The following EYS variants were observed in gnomAD, a reference collection of about 807,000 sequenced individuals.
EYS encodes EGF-like photoreceptor maintenance factor.
EYS carries 250 observed loss-of-function variants against 282.1 expected under a neutral mutation model. The observed-to-expected ratio is 0.89, with a 90% CI of 0.80 to 0.98. The LOEUF (loss-of-function observed/expected upper bound fraction) is 0.98. Ranked by LOEUF, EYS falls within the 50% of genes least tolerant of loss-of-function variation. The pLI is 0.00. For missense variants in EYS, 4,016 were observed against 3,709.0 expected, an observed-to-expected ratio of 1.08 and a Z score of -2.15; for synonymous variants, 1,355 against 1,282.9, an observed-to-expected ratio of 1.06 and a Z score of -1.20.
chr6:65,060,887 C>G (rs949997832), intron 12 of EYS, among the ~76,000 whole-genome samples: 1 of 151,160 alleles, frequency 6.6e-6, no homozygotes, highest in Non-Finnish European at 1.5e-5. Context: ...AGAATAGCTA[C>G]TGTCTGATAT....
At chr6:63,965,069 A>G (rs1766242196) in intron 35 of EYS, among the ~76,000 whole-genome samples, 1 of 152,218 alleles carries the variant, frequency 6.6e-6, no homozygotes, top group Non-Finnish European at 1.5e-5. Flanking sequence ...GGCTACAGAG[A>G]TTAAGTTGGC....
chr6:64,698,608 C>A (rs890350007), intron 22 of EYS, among the ~76,000 whole-genome samples: 1 of 151,640 alleles, frequency 6.6e-6, no homozygotes. Context: ...TAATATGGAC[C>A]GTCTATAAGA....
At chr6:63,990,508 A>G (rs925340535) in intron 34 of EYS, among the ~76,000 whole-genome samples, 3 of 151,632 alleles carry the variant, frequency 2.0e-5, no homozygotes, top group African/African-American at 7.3e-5. Context: ...CTCTTTGGGG[A>G]GCTGTTTGAG....
intron 31 of EYS, among the ~76,000 whole-genome samples, chr6:64,178,964 A>G (rs1764711091): frequency 6.6e-6 from 1 of 151,916 alleles, no homozygotes; most frequent in African/African-American, 2.4e-5. Flanking sequence ...TTGAAATTGT[A>G]CTCATAGTGT....
intron 26 of EYS, among the ~76,000 whole-genome samples, chr6:64,479,972 C>G (rs551513197): frequency 2.0e-5 from 3 of 152,036 alleles, no homozygotes; most frequent in African/African-American, 7.2e-5. Context: ...TGAAATGCAG[C>G]TTCCAAATGA....
chr6:64,141,252 A>G (rs188521184), intron 31 of EYS, among the ~76,000 whole-genome samples: 1 of 152,330 alleles, frequency 6.6e-6, no homozygotes, highest in Admixed American at 6.5e-5. Flanking sequence ...CCCATCTTTA[A>G]AAATATTTTA....
At chr6:63,904,460 G>A (rs902210893) in intron 35 of EYS, among the ~76,000 whole-genome samples, 2 of 152,078 alleles carry the variant, frequency 1.3e-5, no homozygotes, top group African/African-American at 4.8e-5. Flanking sequence ...CAATATACCT[G>A]GAAGCATGCA....
intron 30 of EYS, among the ~76,000 whole-genome samples, chr6:64,263,678 C>G (rs949892351): frequency 6.6e-6 from 1 of 152,086 alleles, no homozygotes; most frequent in Non-Finnish European, 1.5e-5. Context: ...TCCTAACCAA[C>G]AGGATATGGC....
intron 13 of EYS, among the ~76,000 whole-genome samples, chr6:65,018,115 TAAA>T (rs1211744995): frequency 6.6e-6 from 1 of 152,156 alleles, no homozygotes; most frequent in Non-Finnish European, 1.5e-5. Flanking sequence ...CTGTGATCGA[TAAA>T]AAAACACACT....
At chr6:65,510,547 A>G (rs1195794753) in intron 2 of EYS, among the ~76,000 whole-genome samples, 1 of 152,164 alleles carries the variant, frequency 6.6e-6, no homozygotes, top group Non-Finnish European at 1.5e-5. Flanking sequence ...TGACTGAAGT[A>G]GAGTGCTGGG....
At chr6:63,860,493 TTC>T (rs1430695909) in intron 36 of EYS, among the ~76,000 whole-genome samples, 8 of 152,136 alleles carry the variant, frequency 5.3e-5, no homozygotes, top group African/African-American at 1.7e-4. Context: ...GGTCAAACAT[TTC>T]TCTCTTTTGC....
At chr6:63,973,759 T>C (rs533464631) in intron 35 of EYS, among the ~76,000 whole-genome samples, 25 of 152,166 alleles carry the variant, frequency 1.6e-4, no homozygotes, top group Non-Finnish European at 3.4e-4. Context: ...TGCATTTTAC[T>C]GTCAGTAACC....
chr6:64,368,055 T>C (rs1399845874), intron 29 of EYS, among the ~76,000 whole-genome samples: 1 of 152,078 alleles, frequency 6.6e-6, no homozygotes, highest in Non-Finnish European at 1.5e-5. Context: ...GTAATAAGCG[T>C]AGTATCCAAT....
chr6:65,152,086 T>A (rs1764624238), intron 12 of EYS, among the ~76,000 whole-genome samples: 1 of 152,012 alleles, frequency 6.6e-6, no homozygotes, highest in South Asian at 2.1e-4. Flanking sequence ...CGAACCAGCA[T>A]AATATTTCCT....
At chr6:65,704,568 T>C (rs564275620) in intron 1 of EYS, among the ~76,000 whole-genome samples, 1 of 152,206 alleles carries the variant, frequency 6.6e-6, no homozygotes, top group Non-Finnish European at 1.5e-5. Context: ...CTATTTCTTG[T>C]CACAAAATAA....
chr6:65,186,674 A>T lies in EYS; in HGVS notation c.2023+109189T>A, dbSNP rs367968500. Among the ~76,000 whole-genome samples the T allele has an allele frequency of 4.6e-5, 7 of 151,924 alleles. No homozygotes were observed. In the East Asian group the frequency reaches 9.7e-4, roughly 21 times the overall value. On this transcript the variant is annotated intron_variant, in intron 12 of 42. Coordinates refer to ENST00000503581, the MANE Select transcript of EYS (RefSeq NM_001142800.2). ...TAAACATAAATATCTACTTTAAAAC[A>T]TTACAATTCATGGAAAGCACTTATG...
chr6:65,061,665 C>G (rs571686267), intron 12 of EYS, among the ~76,000 whole-genome samples: 1 of 152,008 alleles, frequency 6.6e-6, no homozygotes, highest in Non-Finnish European at 1.5e-5. Context: ...CACACACACA[C>G]ATATACATTT....
chr6:64,955,388 A>G (rs959031810), intron 14 of EYS, among the ~76,000 whole-genome samples: 2 of 152,178 alleles, frequency 1.3e-5, no homozygotes, highest in Non-Finnish European at 2.9e-5. Context: ...TATTGTTAAA[A>G]CATCCATACT....
At chr6:64,039,923 TA>T (rs1438230194) in intron 33 of EYS, among the ~76,000 whole-genome samples, 3 of 152,186 alleles carry the variant, frequency 2.0e-5, no homozygotes, top group Non-Finnish European at 4.4e-5. Context: ...GGATTATTTC[TA>T]AATCTTTGAT....
Sources: gnomAD v4.1 joint callset for allele counts (sites outside exome capture counted in the v4.1 genomes callset) on GRCh38, gnomAD v4.1.1 for gene constraint, MANE v1.5 for transcripts, NCBI Gene and HGNC (gene_info 2026-07-23, HGNC 2026-07-21) for gene names.